Variants in EPG5 observed in about 807,000 individuals in gnomAD.
EPG5 encodes the protein ectopic P-granules 5 autophagy tethering factor.
EPG5 carries 159 observed loss-of-function variants against 302.7 expected under a neutral mutation model. The observed-to-expected ratio is 0.53, with a 90% CI of 0.46 to 0.60. The LOEUF is 0.60. Ranked by LOEUF, EPG5 falls within the 20% of genes least tolerant of loss-of-function variation. The pLI is 0.00. For synonymous variants in EPG5, 1,158 were observed against 1,136.8 expected (o/e 1.02, Z -0.37); for missense variants, 2,896 against 3,092.4 (o/e 0.94, Z 1.51).
intron 22 of EPG5, 81 bp downstream of exon 22, chr18:45,912,209 C>T (rs1279125642): frequency 7.8e-7 from 1 of 1,278,120 alleles, no homozygotes. Context: ...ACTCACACTC[C>T]ACAGTCTAAG....
intron 11 of EPG5, among the ~76,000 whole-genome samples, chr18:45,932,115 G>A (rs55966877): frequency 0.019 from 2,893 of 151,708 alleles, 109 homozygotes; most frequent in African/African-American, 0.066. Context: ...TCATTCTAAC[G>A]TATATTGTGA....
At chr18:45,923,611 C>T (rs1405095312) in intron 14 of EPG5, among the ~76,000 whole-genome samples, 1 of 152,182 alleles carries the variant, frequency 6.6e-6, no homozygotes, top group East Asian at 1.9e-4. Flanking sequence ...TGACTTAACC[C>T]CTACTCCAGC....
intron 14 of EPG5, 93 bp downstream of exon 14, chr18:45,925,645 G>A (rs2050250323): frequency 4.1e-6 from 4 of 971,806 alleles, no homozygotes; most frequent in African/African-American, 1.7e-5. Context: ...CCTTGCAAAT[G>A]GTACTCAGAA....
rs2050581120 is a variant in EPG5, at chr18:45,938,248, G to GTCA, written c.2099+1349_2099+1351dup. ...GGCTGAGCCGGGCAGATCACTTGAG[G>GTCA]TCAGGAGTTCAAGACCAACCTGGCC... On this transcript the variant is annotated intron_variant, in intron 10 of 43. Coordinates refer to ENST00000282041, the MANE Select transcript of EPG5 (RefSeq NM_020964.3). Among the ~76,000 whole-genome samples the GTCA allele has an allele frequency of 2.0e-5, 3 of 152,112 alleles. No individual in the cohort carries two copies. The South Asian group carries it at 6.2e-4, about 32-fold the overall frequency.
At chr18:45,840,714 G>C in the EPG5 span, among the ~76,000 whole-genome samples, 1 of 152,224 alleles carries the variant, frequency 6.6e-6, no homozygotes, top group Non-Finnish European at 1.5e-5. Context: ...TGTTGAAGGA[G>C]AAAGAACTCA....
At chr18:45,915,761 G>T (rs1252593242) in intron 19 of EPG5, 140 bp from the exon 20 acceptor site, 5 of 749,890 alleles carry the variant, frequency 6.7e-6, no homozygotes. Flanking sequence ...TCCACCAGCA[G>T]CAATAGTCCA....
intron 10 of EPG5, among the ~76,000 whole-genome samples, chr18:45,936,311 C>T (rs1187910933): frequency 6.6e-6 from 1 of 152,138 alleles, no homozygotes; most frequent in Non-Finnish European, 1.5e-5. Context: ...TTATCTGCTA[C>T]TTAAACCAGT....
chr18:45,939,521 A>C (rs2050613730), intron 10 of EPG5, 79 bp downstream of exon 10: 1 of 1,348,140 alleles, frequency 7.4e-7, no homozygotes, highest in African/African-American at 1.5e-5. Flanking sequence ...TAAAAGACCT[A>C]CTTAAGTGGC....
rs1167534418 is a variant in EPG5 at position 45,898,500 on chromosome 18, AATTCTGCCTAT to A, written c.4809+893_4809+903del. The stretch of plus-strand genomic sequence containing the variant: ...AAGTGCATACCATATTGCAGATCCA[AATTCTGCCTAT>A]ATTCCAGTGCAAGAAGGTAACTCTG... On this transcript the variant is annotated intron_variant, in intron 27 of 43. Coordinates refer to ENST00000282041, the MANE Select transcript of EPG5 (RefSeq NM_020964.3). Among the ~76,000 whole-genome samples the A allele has an allele frequency of 2.0e-5, 3 of 152,366 alleles. No individual in the cohort carries two copies. The East Asian group carries it at 5.8e-4, about 29-fold the overall frequency.
intron 9 of EPG5, among the ~76,000 whole-genome samples, chr18:45,940,090 G>A (rs2051973706): frequency 6.6e-6 from 1 of 152,154 alleles, no homozygotes; most frequent in Non-Finnish European, 1.5e-5. Context: ...TGGGTTGGGA[G>A]CACGAAAGGG....
chr18:45,928,922 T>A lies in EPG5; in HGVS notation c.2500A>T (p.Ile834Leu), dbSNP rs755960172. 1.2e-6 allele frequency: 2 copies of A among 1,614,034 alleles called. No homozygotes were observed. The highest frequency in any genetic ancestry group is 1.7e-6 in the Non-Finnish European group (2 of 1,179,944). The change falls in exon 13 of 44, where the codon ATA (isoleucine) becomes TTA (leucine). Residue 834 changes from isoleucine (I) to leucine (L), a missense_variant. Around this residue, in one of 5 missense-constraint regions of EPG5, gnomAD observed 1,390 missense variants for 1,430.0 expected, o/e 0.97. Coordinates refer to ENST00000282041, the MANE Select transcript of EPG5 (RefSeq NM_020964.3). ...LGTITAVHPEIISVLLDRVQE... is the reference protein window; with the variant it reads ...LGTITAVHPELISVLLDRVQE... ...ACTCTATCCAGAAGGACGGAAATTA[T>A]CTCAGGGTGAACAGCTGTGATAGTC... is the stretch of plus-strand genomic sequence containing the variant.
Position 45,955,152 on chromosome 18 carries a change from G to A in EPG5, c.250C>T (p.Pro84Ser), listed in dbSNP as rs376730504. 15 of 1,613,970 alleles carry A rather than the reference G, an allele frequency of 9.3e-6. No homozygotes were observed. Among genetic ancestry groups the A allele is most frequent in the Non-Finnish European group, 1.2e-5 (14 of 1,180,022 alleles). ...GQNESEMFDV[P>S]LTSLTISNEE... ...TTGCTTATAGTTAAGGAGGTGAGTG[G>A]TACATCAAACATTTCACTCTCATTT... The change falls in exon 2 of 44, where the codon CCA (proline) becomes TCA (serine). Residue 84 changes from proline (P) to serine (S), a missense_variant. Physicochemically the swap from Pro to Ser is moderately conservative, Grantham distance 74. This residue lies in a region of EPG5 where 1,390 missense variants were observed against 1,430.0 expected (regional missense o/e 0.97). Transcript: ENST00000282041.
At chr18:45,858,100 G>A (rs746541477) in intron 41 of EPG5, 32 bp from the exon 42 acceptor site, 4 of 1,565,708 alleles carry the variant, frequency 2.6e-6, no homozygotes, top group African/African-American at 1.4e-5. Context: ...AATAAAATTA[G>A]AAGTAAATTT....
intron 24 of EPG5, among the ~76,000 whole-genome samples, chr18:45,905,678 T>A (rs1256696864): frequency 6.6e-6 from 1 of 152,052 alleles, no homozygotes; most frequent in Non-Finnish European, 1.5e-5. Flanking sequence ...ACCCTGAGCT[T>A]GAATTACAGA....
In EPG5 at chr18:45,852,536, C is replaced by T; in HGVS notation, c.7671G>A (p.Gly2557=). 2 of 1,614,048 alleles carry T rather than the reference C, an allele frequency of 1.2e-6. No homozygotes were observed. The highest frequency in any genetic ancestry group is 8.5e-7 in the Non-Finnish European group (1 of 1,179,948). ...TAACGAGAAGAGCCAAGAAGCTTTT[C>T]CCATCTTGAAGGCAATGGCCAGGAT... ...IRHPGHCLQD[G]KSFLALLVNC... Residue 2557 remains glycine (G), a synonymous_variant, in exon 44 of 44, where the codon GGG becomes GGA. Coordinates refer to ENST00000282041, the MANE Select transcript of EPG5 (RefSeq NM_020964.3).
chr18:45,920,622 G>A (rs947485559), intron 16 of EPG5, among the ~76,000 whole-genome samples: 5 of 152,218 alleles, frequency 3.3e-5, no homozygotes, highest in Admixed American at 6.5e-5. Flanking sequence ...GAAGTGAGGA[G>A]GAGGCGGGGT....
Position 45,858,027 on chromosome 18 carries a change from T to C in EPG5, c.7268A>G (p.Gln2423Arg), listed in dbSNP as rs1226700218. The C allele has an allele frequency of 6.2e-7, 1 of 1,613,852 alleles. No homozygotes were observed. Among genetic ancestry groups the C allele is most frequent in the Admixed American group, 1.7e-5 (1 of 60,022 alleles). ...EEAKLFLWWH[Q>R]VLQLSLIQTE... ...CTGAATGAGGGAGAGCTGAAGGACT[T>C]GGTGCCACCACAAAAACAGCTTTGC... is the stretch of plus-strand genomic sequence containing the variant. Residue 2423 changes from glutamine to arginine, a missense_variant, in exon 42 of 44, where the codon CAA (glutamine) becomes CGA (arginine). Gln to Arg is a conservative substitution (Grantham distance 43). This residue lies in a region of EPG5 where 620 missense variants were observed against 704.2 expected (regional missense o/e 0.88). Transcript: ENST00000282041.
At chr18:45,808,547 C>T in the EPG5 span, among the ~76,000 whole-genome samples, 62,018 of 151,966 alleles carry the variant, frequency 0.41, 12,990 homozygotes, top group East Asian at 0.53. Flanking sequence ...AAATCCTACA[C>T]GCTAGAAGGG....
chr18:45,914,970 T>A (rs1338834862), intron 20 of EPG5, among the ~76,000 whole-genome samples: 1 of 146,284 alleles, frequency 6.8e-6, no homozygotes, highest in Admixed American at 6.8e-5. Context: ...TTTTTTAATT[T>A]AAAAAAAAAA....
Sources: allele counts gnomAD v4.1 joint callset (sites outside exome capture counted in the v4.1 genomes callset), GRCh38; gene constraint gnomAD v4.1.1; regional missense constraint gnomAD v4.1.1; transcripts MANE v1.5; gene names NCBI Gene and HGNC (gene_info 2026-07-23, HGNC 2026-07-21).